RPS6KC1: variants seen among roughly 807,000 people sequenced by gnomAD.
The protein encoded by RPS6KC1 is inactive ribosomal protein S6 kinase delta-1.
A neutral mutation model predicts 103.8 loss-of-function variants in RPS6KC1; 54 were observed. That is an observed-to-expected ratio of 0.52 (90% CI 0.42 to 0.65). The LOEUF (loss-of-function observed/expected upper bound fraction) is 0.65, where lower values mean the gene tolerates loss of function less well. RPS6KC1 is among the 30% of genes least tolerant of loss of function. The pLI is 0.00. For missense variants in RPS6KC1, 1,151 were observed against 1,253.8 expected (o/e 0.92, Z 1.24); for synonymous variants, 439 against 438.7 (o/e 1.00, Z -0.01).
At chr1:213,820,249 C>G in the RPS6KC1 span, 2 of 152,214 alleles carry the variant, frequency 1.3e-5, no homozygotes. Flanking sequence ...CTCTATAGGT[C>G]TGAAGTCTGG....
At chr1:213,734,006 T>C in the RPS6KC1 span, among the ~76,000 whole-genome samples, 1 of 152,296 alleles carries the variant, frequency 6.6e-6, no homozygotes, top group Non-Finnish European at 1.5e-5. Flanking sequence ...AAGAAACCCA[T>C]CTTCCTAATG....
chr1:213,786,996 G>T, the RPS6KC1 span, among the ~76,000 whole-genome samples: 15 of 152,260 alleles, frequency 9.9e-5, no homozygotes, highest in South Asian at 3.1e-3. Flanking sequence ...AGAATGAAAG[G>T]GAGATTTGAT....
At chr1:213,848,128 A>T in the RPS6KC1 span, among the ~76,000 whole-genome samples, 5 of 152,190 alleles carry the variant, frequency 3.3e-5, no homozygotes, top group Non-Finnish European at 7.3e-5. Flanking sequence ...GAAAATAATA[A>T]TTTTTAACAT....
At chr1:213,685,140 A>G in the RPS6KC1 span, among the ~76,000 whole-genome samples, 1 of 152,130 alleles carries the variant, frequency 6.6e-6, no homozygotes, top group African/African-American at 2.4e-5. Context: ...TACATGCTTG[A>G]GTCTTCTTCC....
At chr1:213,532,071 G>A in the RPS6KC1 span, among the ~76,000 whole-genome samples, 5 of 152,178 alleles carry the variant, frequency 3.3e-5, no homozygotes, top group African/African-American at 1.2e-4. Context: ...GGCATGCCAG[G>A]GCTAGCAGCG....
chr1:213,584,266 G>A, the RPS6KC1 span, among the ~76,000 whole-genome samples: 2 of 152,270 alleles, frequency 1.3e-5, no homozygotes, highest in Admixed American at 1.3e-4. Flanking sequence ...AAATTACCCA[G>A]TCTCAGGTAT....
intron 11 of RPS6KC1, 30 bp downstream of exon 11, chr1:213,242,327 T>A: frequency 6.2e-7 from 1 of 1,608,960 alleles, no homozygotes; most frequent in Non-Finnish European, 8.5e-7. Flanking sequence ...GCATTTCTTT[T>A]TATTCGCTGT....
the RPS6KC1 span, among the ~76,000 whole-genome samples, chr1:213,659,100 G>A: frequency 1.3e-5 from 2 of 152,046 alleles, no homozygotes; most frequent in African/African-American, 2.4e-5. Flanking sequence ...AAGTAGCTGG[G>A]ATTACAGGTG....
At chr1:213,427,524 C>G in the RPS6KC1 span, among the ~76,000 whole-genome samples, 1 of 152,114 alleles carries the variant, frequency 6.6e-6, no homozygotes, top group Non-Finnish European at 1.5e-5. Context: ...GTCACTAAAA[C>G]TTTATTATTT....
chr1:213,401,654 C>T, the RPS6KC1 span, among the ~76,000 whole-genome samples: 94 of 152,198 alleles, frequency 6.2e-4, 1 homozygote, highest in African/African-American at 2.2e-3. Context: ...CCTGTTCTAC[C>T]ACCTCCTTCC....
At chr1:213,620,688 A>T in the RPS6KC1 span, among the ~76,000 whole-genome samples, 1 of 152,196 alleles carries the variant, frequency 6.6e-6, no homozygotes, top group Non-Finnish European at 1.5e-5. Flanking sequence ...AATAACCCTG[A>T]CATAGTTGTT....
chr1:213,668,631 AGCC>A, the RPS6KC1 span, among the ~76,000 whole-genome samples: 1 of 152,160 alleles, frequency 6.6e-6, no homozygotes, highest in African/African-American at 2.4e-5. Flanking sequence ...CAAGAGATCC[AGCC>A]TATCTTTTGA....
chr1:213,560,762 C>T, the RPS6KC1 span, among the ~76,000 whole-genome samples: 6 of 152,112 alleles, frequency 3.9e-5, no homozygotes, highest in African/African-American at 1.4e-4. Context: ...CCAAATCTCA[C>T]GAGGATGATG....
At chr1:213,684,922 A>G in the RPS6KC1 span, among the ~76,000 whole-genome samples, 1 of 152,266 alleles carries the variant, frequency 6.6e-6, no homozygotes, top group Non-Finnish European at 1.5e-5. Context: ...TGCTCAATTC[A>G]TTGGATTCTG....
the RPS6KC1 span, among the ~76,000 whole-genome samples, chr1:213,599,685 C>T: frequency 1.3e-5 from 2 of 152,132 alleles, no homozygotes; most frequent in African/African-American, 4.8e-5. Flanking sequence ...TACTTTTTTG[C>T]CCTCAAATCT....
At chr1:213,560,017 A>C in the RPS6KC1 span, among the ~76,000 whole-genome samples, 1 of 152,174 alleles carries the variant, frequency 6.6e-6, no homozygotes, top group East Asian at 1.9e-4. Flanking sequence ...AGATGATGAA[A>C]CTCTTGGTTC....
At chr1:213,766,424 T>C in the RPS6KC1 span, among the ~76,000 whole-genome samples, 1 of 152,130 alleles carries the variant, frequency 6.6e-6, no homozygotes, top group African/African-American at 2.4e-5. Context: ...CACGTAAGAC[T>C]TACCCATGCA....
intron 5 of RPS6KC1, among the ~76,000 whole-genome samples, chr1:213,127,314 A>G (rs1470741090): frequency 3.3e-5 from 5 of 152,204 alleles, no homozygotes; most frequent in African/African-American, 1.2e-4. Flanking sequence ...CCAAACCGTA[A>G]CAGTACTCAT....
At chr1:213,809,489 C>G in the RPS6KC1 span, among the ~76,000 whole-genome samples, 1 of 152,094 alleles carries the variant, frequency 6.6e-6, no homozygotes, top group Non-Finnish European at 1.5e-5. Flanking sequence ...TTGCTTGATA[C>G]AGGGTTTTCG....
Sources: allele counts gnomAD v4.1 joint callset (sites outside exome capture counted in the v4.1 genomes callset), GRCh38; gene constraint gnomAD v4.1.1; transcripts MANE v1.5; gene names NCBI Gene and HGNC (gene_info 2026-07-23, HGNC 2026-07-21).